Variants in IGSF11 observed in about 807,000 individuals in gnomAD.
The protein encoded by IGSF11 is CXADR like 1.
Under a neutral mutation model 41.0 loss-of-function variants are expected in IGSF11, and 22 were observed. The ratio of observed to expected loss-of-function variants is 0.54; its 90% CI spans 0.38 to 0.77. IGSF11 has a LOEUF of 0.77. IGSF11 is among the 30% of genes least tolerant of loss of function. IGSF11 has a pLI of 0.00. For missense variants in IGSF11, 444 were observed against 530.8 expected, an observed-to-expected ratio of 0.84 and a Z score of 1.61; for synonymous variants, 219 against 201.3, an observed-to-expected ratio of 1.09 and a Z score of -0.74.
chr3:119,074,857 A>T (rs987430002), intron 1 of IGSF11, among the ~76,000 whole-genome samples: 8 of 152,164 alleles, frequency 5.3e-5, no homozygotes, highest in African/African-American at 1.9e-4. Flanking sequence ...GTCTCAAAAA[A>T]ATAAATAAAA....
intron 1 of IGSF11, among the ~76,000 whole-genome samples, chr3:118,943,907 A>G (rs1338428647): frequency 6.6e-6 from 1 of 152,244 alleles, no homozygotes; most frequent in African/African-American, 2.4e-5. Context: ...TGAAGCATTC[A>G]TATGACAAAA....
At position 119,124,202 on chromosome 3, in the gene IGSF11, T is replaced by C. The variant is rs1365430206; in HGVS notation, c.-13-18997A>G. Among the ~76,000 whole-genome samples, 3 of 149,312 alleles carry C rather than the reference T, an allele frequency of 2.0e-5. No individual in the cohort carries two copies. In the East Asian group the frequency reaches 5.9e-4, roughly 29 times the overall value. ...AAATTTAACAAAGAGATTGAAATAA[T>C]TAAAATAAGCACACATTCTGGAGCT... On this transcript the variant is annotated intron_variant, in intron 1 of 7. Coordinates refer to the IGSF11 transcript ENST00000425327.
chr3:119,122,011 A>G (rs9852104), intron 1 of IGSF11, among the ~76,000 whole-genome samples: 2,507 of 152,340 alleles, frequency 0.016, 70 homozygotes, highest in African/African-American at 0.057. Context: ...GTGGAGTAGA[A>G]GGTTGCACTA....
At chr3:118,998,108 A>G (rs1936451513) in intron 1 of IGSF11, among the ~76,000 whole-genome samples, 1 of 152,096 alleles carries the variant, frequency 6.6e-6, no homozygotes, top group African/African-American at 2.4e-5. Context: ...TTTCTTTTAA[A>G]ACAGAGCTTC....
At chr3:119,066,168 G>C (rs1942228253) in intron 1 of IGSF11, among the ~76,000 whole-genome samples, 1 of 151,978 alleles carries the variant, frequency 6.6e-6, no homozygotes, top group Non-Finnish European at 1.5e-5. Context: ...ACAACAGTTA[G>C]GGCCCACCTG....
At chr3:118,943,856 T>C (rs1274025594) in intron 1 of IGSF11, among the ~76,000 whole-genome samples, 4 of 152,324 alleles carry the variant, frequency 2.6e-5, no homozygotes, top group East Asian at 3.9e-4. Flanking sequence ...TGGTTGAATA[T>C]AGCTCTACTT....
chr3:119,122,689 C>T (rs1203693837), intron 1 of IGSF11, among the ~76,000 whole-genome samples: 5 of 152,150 alleles, frequency 3.3e-5, no homozygotes, highest in African/African-American at 1.2e-4. Flanking sequence ...TTTTGGGTAC[C>T]AGCTCAGACA....
chr3:119,061,037 AGT>A (rs1405330835), intron 1 of IGSF11, among the ~76,000 whole-genome samples: 3 of 152,222 alleles, frequency 2.0e-5, no homozygotes, highest in Non-Finnish European at 4.4e-5. Flanking sequence ...ACTCAAAAAC[AGT>A]GAGCTATGCT....
intron 4 of IGSF11, among the ~76,000 whole-genome samples, chr3:118,911,134 C>T (rs1014474465): frequency 2.6e-5 from 4 of 151,706 alleles, no homozygotes; most frequent in East Asian, 1.9e-4. Context: ...CACACACACA[C>T]ATATATGTAA....
At chr3:119,107,461 G>C (rs1254132783), upstream of IGSF11, among the ~76,000 whole-genome samples, 2 of 151,966 alleles carry the variant, frequency 1.3e-5, no homozygotes, top group Admixed American at 6.6e-5. Context: ...AAATTTGTTT[G>C]AGTTCATTGT....
chr3:119,047,648 T>G (rs1941420791), intron 1 of IGSF11, among the ~76,000 whole-genome samples: 2 of 152,264 alleles, frequency 1.3e-5, no homozygotes, highest in East Asian at 1.9e-4. Context: ...CAAGAGGACG[T>G]AATAGACATC....
intron 1 of IGSF11, among the ~76,000 whole-genome samples, chr3:119,039,884 T>C (rs781651413): frequency 5.4e-4 from 83 of 152,332 alleles, no homozygotes; most frequent in Non-Finnish European, 1.0e-3. Flanking sequence ...AGATCTAACT[T>C]AACCTACTCC....
At chr3:118,969,725 A>AG (rs1933156097) in intron 1 of IGSF11, among the ~76,000 whole-genome samples, 1 of 152,234 alleles carries the variant, frequency 6.6e-6, no homozygotes, top group African/African-American at 2.4e-5. Context: ...CAGTCAAGTC[A>AG]GGGTAATCTC....
At chr3:119,134,892 C>T (rs375466146) in intron 1 of IGSF11, among the ~76,000 whole-genome samples, 21 of 152,060 alleles carry the variant, frequency 1.4e-4, no homozygotes, top group East Asian at 7.7e-4. Context: ...CGAACAGAGG[C>T]CTCAGAAATA....
upstream of IGSF11, among the ~76,000 whole-genome samples, chr3:119,106,269 T>C (rs552825869): frequency 6.6e-6 from 1 of 152,336 alleles, no homozygotes; most frequent in South Asian, 2.1e-4. Context: ...TTGACTATAG[T>C]CACCCAGTTA....
At chr3:118,983,103 C>T (rs1262719789) in intron 1 of IGSF11, among the ~76,000 whole-genome samples, 1 of 152,164 alleles carries the variant, frequency 6.6e-6, no homozygotes, top group Non-Finnish European at 1.5e-5. Flanking sequence ...TTAAGTCTGG[C>T]TCTAAAGATG....
chr3:119,025,202 A>G (rs1437033913), intron 1 of IGSF11, among the ~76,000 whole-genome samples: 3 of 152,146 alleles, frequency 2.0e-5, no homozygotes. Context: ...CCAGCCACAT[A>G]ATTTCTCCAC....
chr3:118,995,534 A>C (rs1374782527), intron 1 of IGSF11, among the ~76,000 whole-genome samples: 1 of 152,252 alleles, frequency 6.6e-6, no homozygotes, highest in African/African-American at 2.4e-5. Context: ...AGAAGAAAAG[A>C]GAGTCCAGAA....
intron 1 of IGSF11, among the ~76,000 whole-genome samples, chr3:118,993,900 T>C (rs1421779809): frequency 6.6e-6 from 1 of 152,206 alleles, no homozygotes. Flanking sequence ...ACAAGTTTTC[T>C]TTCTGGAGAG....
Sources: gnomAD v4.1 joint callset for allele counts (sites outside exome capture counted in the v4.1 genomes callset) on GRCh38, gnomAD v4.1.1 for gene constraint, MANE v1.5 for transcripts, NCBI Gene and HGNC (gene_info 2026-07-23, HGNC 2026-07-21) for gene names.